The following NAALADL2 variants were observed in gnomAD, a reference collection of about 807,000 sequenced individuals.
The protein encoded by NAALADL2 is N-acetylated alpha-linked acidic dipeptidase like 2, also known as inactive N-acetylated-alpha-linked acidic dipeptidase-like protein 2.
NAALADL2 carries 76 observed loss-of-function variants against 87.2 expected under a neutral mutation model. That is an observed-to-expected ratio of 0.87 (90% CI 0.72 to 1.05). The LOEUF is 1.05. NAALADL2 is among the 50% of genes least tolerant of loss of function. The pLI is 0.00. For missense variants in NAALADL2, 1,089 were observed against 945.8 expected (o/e 1.15, Z -1.99); for synonymous variants, 354 against 331.0 (o/e 1.07, Z -0.75).
chr3:175,599,728 G>A (rs1052325292), intron 10 of NAALADL2, among the ~76,000 whole-genome samples: 1 of 152,110 alleles, frequency 6.6e-6, no homozygotes, highest in South Asian at 2.1e-4. Context: ...GCTTTACTCA[G>A]TAACAGATTT....
intron 4 of NAALADL2, among the ~76,000 whole-genome samples, chr3:175,260,415 G>A (rs1465161233): frequency 6.6e-6 from 1 of 152,168 alleles, no homozygotes; most frequent in African/African-American, 2.4e-5. Flanking sequence ...TTGTCCCAGA[G>A]ATTTGGGGGA....
intron 3 of NAALADL2, among the ~76,000 whole-genome samples, chr3:174,810,843 C>G (rs1720096872): frequency 6.6e-6 from 1 of 152,102 alleles, no homozygotes; most frequent in African/African-American, 2.4e-5. Flanking sequence ...GGCTACTCCC[C>G]CCATCACAGG....
rs185350551 is a variant in NAALADL2, at chr3:175,175,761, G to A, written c.546-58170G>A. 1.8e-4 allele frequency among the ~76,000 whole-genome samples: 27 copies of A among 152,066 alleles called. No homozygotes were observed. In the East Asian group the frequency reaches 4.3e-3, roughly 24 times the overall value. ...TTTCTTTCATATGTTCACTCAATCTGTACTAGTGAATCTAACATTATGTTC... is the reference window on the plus strand; with the variant it reads ...TTTCTTTCATATGTTCACTCAATCTATACTAGTGAATCTAACATTATGTTC... On this transcript the variant is annotated intron_variant, in intron 2 of 13. Transcript: ENST00000454872.
chr3:175,334,735 T>C (rs1375139460), intron 5 of NAALADL2, among the ~76,000 whole-genome samples: 1 of 152,156 alleles, frequency 6.6e-6, no homozygotes, highest in Admixed American at 6.5e-5. Context: ...TGAGAGCAAG[T>C]TTGGTTTGCA....
intron 3 of NAALADL2, among the ~76,000 whole-genome samples, chr3:174,754,230 T>C (rs1037433004): frequency 1.3e-5 from 2 of 151,368 alleles, no homozygotes; most frequent in African/African-American, 4.9e-5. Context: ...AAATATTTTT[T>C]CTGTATTTTC....
At chr3:174,580,305 C>G (rs919173642) in intron 2 of NAALADL2, among the ~76,000 whole-genome samples, 7 of 151,894 alleles carry the variant, frequency 4.6e-5, no homozygotes, top group East Asian at 1.9e-4. Context: ...TGCTGTTGCT[C>G]TCATAATTAT....
At chr3:174,677,937 C>T (rs934235099) in intron 2 of NAALADL2, among the ~76,000 whole-genome samples, 14 of 151,854 alleles carry the variant, frequency 9.2e-5, no homozygotes, top group African/African-American at 3.4e-4. Context: ...AAAAAGGACA[C>T]TTGTTTATAA....
At chr3:174,803,095 A>G (rs990208146) in intron 3 of NAALADL2, among the ~76,000 whole-genome samples, 1 of 152,146 alleles carries the variant, frequency 6.6e-6, no homozygotes, top group African/African-American at 2.4e-5. Flanking sequence ...GCTCCCACCA[A>G]CAGTGTAAAA....
At chr3:174,602,943 T>C (rs944923190) in intron 2 of NAALADL2, among the ~76,000 whole-genome samples, 1 of 152,140 alleles carries the variant, frequency 6.6e-6, no homozygotes, top group African/African-American at 2.4e-5. Flanking sequence ...GATTTGTGTA[T>C]GTTGAACCAT....
chr3:175,567,517 C>T (rs1717367376), intron 9 of NAALADL2, among the ~76,000 whole-genome samples: 1 of 151,856 alleles, frequency 6.6e-6, no homozygotes, highest in Non-Finnish European at 1.5e-5. Flanking sequence ...TATAAATTAA[C>T]AGAAGAAAGA....
At chr3:174,786,216 C>T (rs111517243) in intron 3 of NAALADL2, among the ~76,000 whole-genome samples, 154 of 151,930 alleles carry the variant, frequency 1.0e-3, no homozygotes, top group Middle Eastern at 3.4e-3. Context: ...TTTGGTAGGC[C>T]AAGGCGGGCA....
chr3:174,963,394 G>T (rs958420454), intron 1 of NAALADL2, among the ~76,000 whole-genome samples: 2 of 152,122 alleles, frequency 1.3e-5, no homozygotes, highest in Non-Finnish European at 2.9e-5. Context: ...ATTATAGATT[G>T]TCTGAATGTT....
chr3:174,556,291 A>G (rs932420339), intron 2 of NAALADL2, among the ~76,000 whole-genome samples: 2 of 152,100 alleles, frequency 1.3e-5, no homozygotes, highest in Non-Finnish European at 2.9e-5. Context: ...TTTTATCCTT[A>G]TATGAGTAAA....
chr3:174,910,683 AC>A (rs1305127639), intron 1 of NAALADL2, among the ~76,000 whole-genome samples: 6 of 152,190 alleles, frequency 3.9e-5, no homozygotes, highest in Admixed American at 3.9e-4. Flanking sequence ...GCCTCAGTAC[AC>A]ACCATATTAG....
intron 11 of NAALADL2, among the ~76,000 whole-genome samples, chr3:175,666,026 T>C (rs2149824937): frequency 6.6e-6 from 1 of 152,318 alleles, no homozygotes; most frequent in African/African-American, 2.4e-5. Context: ...ATCCCTGTTT[T>C]AGAACACTGA....
In NAALADL2 at chr3:175,485,320, A is replaced by T. The variant is rs149547603; in HGVS notation, c.1653+13562A>T. On this transcript the variant is annotated intron_variant, in intron 9 of 13. Coordinates refer to ENST00000454872, the MANE Select transcript of NAALADL2 (RefSeq NM_207015.3). ...GGGGTCAGAGTCTGAATTAGGTAGG[A>T]TTCTCCACAGCGACAAAACTAATAG... 7.5e-3 allele frequency among the ~76,000 whole-genome samples: 1,146 copies of T among 152,172 alleles called. 17 individuals carry two copies. Among genetic ancestry groups the T allele is most frequent in the African/African-American group, 0.027 (1,107 of 41,524 alleles).
intron 11 of NAALADL2, among the ~76,000 whole-genome samples, chr3:175,641,908 C>A (rs1729342483): frequency 6.6e-6 from 1 of 152,006 alleles, no homozygotes; most frequent in Non-Finnish European, 1.5e-5. Flanking sequence ...CAATACATAC[C>A]ATTAAAAATG....
intron 1 of NAALADL2, among the ~76,000 whole-genome samples, chr3:174,502,742 A>G (rs1718975065): frequency 1.3e-5 from 2 of 152,146 alleles, no homozygotes; most frequent in Admixed American, 6.5e-5. Context: ...TGAATAAAAA[A>G]TAATCTTGCC....
chr3:175,025,199 TGTGACAAGG>T (rs1752062714), intron 1 of NAALADL2, among the ~76,000 whole-genome samples: 1 of 151,986 alleles, frequency 6.6e-6, no homozygotes, highest in South Asian at 2.1e-4. Flanking sequence ...AAAGTCTAGG[TGTGACAAGG>T]GTTTGAATGT....
Sources: gnomAD v4.1 joint callset for allele counts (sites outside exome capture counted in the v4.1 genomes callset) on GRCh38, gnomAD v4.1.1 for gene constraint, MANE v1.5 for transcripts, NCBI Gene and HGNC (gene_info 2026-07-23, HGNC 2026-07-21) for gene names.